Variants in POFUT3 observed in about 807,000 individuals in gnomAD.
POFUT3 encodes the protein GDP-fucose protein O-fucosyltransferase 3.
chr8:33,354,346 A>G, the POFUT3 span, among the ~76,000 whole-genome samples: 3 of 152,194 alleles, frequency 2.0e-5, no homozygotes, highest in African/African-American at 7.2e-5. Flanking sequence ...AATTCCCTGT[A>G]AGTCCAAAGG....
the POFUT3 span, among the ~76,000 whole-genome samples, chr8:33,408,263 G>T: frequency 2.4e-4 from 37 of 151,522 alleles, no homozygotes; most frequent in Non-Finnish European, 3.8e-4. Context: ...ATTCAAGGTT[G>T]CAGTGAGCTA....
chr8:33,398,205 TA>T, the POFUT3 span, among the ~76,000 whole-genome samples: 1 of 152,190 alleles, frequency 6.6e-6, no homozygotes, highest in East Asian at 1.9e-4. Context: ...ACCCAATTAT[TA>T]TTTTTTTGTT....
At chr8:33,438,393 C>CA in the POFUT3 span, among the ~76,000 whole-genome samples, 1 of 152,164 alleles carries the variant, frequency 6.6e-6, no homozygotes, top group Non-Finnish European at 1.5e-5. Context: ...ACCTGGGCAA[C>CA]ATAGGGAGAC....
At chr8:33,403,066 A>G in the POFUT3 span, among the ~76,000 whole-genome samples, 1 of 152,126 alleles carries the variant, frequency 6.6e-6, no homozygotes, top group Non-Finnish European at 1.5e-5. Context: ...GTCTCAAAAA[A>G]AAAAAATTGT....
the POFUT3 span, among the ~76,000 whole-genome samples, chr8:33,319,222 TA>T: frequency 1.2e-4 from 12 of 98,178 alleles, no homozygotes; most frequent in Non-Finnish European, 1.8e-4. Context: ...TAAATATATT[TA>T]TATATTTTAC....
chr8:33,432,725 G>A, the POFUT3 span, among the ~76,000 whole-genome samples: 3 of 152,090 alleles, frequency 2.0e-5, no homozygotes, highest in African/African-American at 7.2e-5. Flanking sequence ...AAACATTATA[G>A]TGCTAGAATA....
chr8:33,389,032 G>A, the POFUT3 span: 3 of 1,614,184 alleles, frequency 1.9e-6, no homozygotes, highest in South Asian at 3.3e-5. Flanking sequence ...CGATGTAATT[G>A]TCCTGGTTGA....
chr8:33,397,028 T>C, the POFUT3 span, among the ~76,000 whole-genome samples: 1 of 152,242 alleles, frequency 6.6e-6, no homozygotes, highest in African/African-American at 2.4e-5. Context: ...AGTTCATAAA[T>C]TACAACTATT....
At chr8:33,416,830 CAAAAAAAAAA>C in the POFUT3 span, among the ~76,000 whole-genome samples, 3,344 of 44,576 alleles carry the variant, frequency 0.075, 134 homozygotes, top group African/African-American at 0.19. Flanking sequence ...TGGGCGACGA[CAAAAAAAAAA>C]AAAAAAAAAA....
the POFUT3 span, among the ~76,000 whole-genome samples, chr8:33,420,128 C>CA: frequency 6.6e-6 from 1 of 151,380 alleles, no homozygotes; most frequent in Non-Finnish European, 1.5e-5. Flanking sequence ...GACCCTGTCT[C>CA]AAAAAATAAA....
At chr8:33,438,291 A>T in the POFUT3 span, among the ~76,000 whole-genome samples, 1 of 152,298 alleles carries the variant, frequency 6.6e-6, no homozygotes, top group South Asian at 2.1e-4. Context: ...CAAGACATAG[A>T]TTCTGGCCAG....
the POFUT3 span, among the ~76,000 whole-genome samples, chr8:33,435,222 ATT>A: frequency 2.8e-5 from 4 of 144,338 alleles, no homozygotes; most frequent in African/African-American, 5.1e-5. Context: ...TTTTAATTTA[ATT>A]TTTTTTTTTT....
chr8:33,341,211 A>G, the POFUT3 span, among the ~76,000 whole-genome samples: 1 of 151,992 alleles, frequency 6.6e-6, no homozygotes, highest in African/African-American at 2.4e-5. Flanking sequence ...CACGGTGGGC[A>G]GATCACTTGA....
the POFUT3 span, among the ~76,000 whole-genome samples, chr8:33,387,607 C>A: frequency 2.6e-5 from 4 of 152,146 alleles, no homozygotes; most frequent in African/African-American, 9.7e-5. Context: ...AGTTCGAGAC[C>A]AGCCTGGCCA....
the POFUT3 span, among the ~76,000 whole-genome samples, chr8:33,448,976 C>T: frequency 6.6e-6 from 1 of 152,078 alleles, no homozygotes; most frequent in African/African-American, 2.4e-5. Flanking sequence ...TTCTGAGCAC[C>T]TACTGTGTAC....
At chr8:33,463,484 G>A in the POFUT3 span, among the ~76,000 whole-genome samples, 2 of 151,096 alleles carry the variant, frequency 1.3e-5, no homozygotes, top group Non-Finnish European at 1.5e-5. Context: ...CAGCCTGGGC[G>A]ACAAAGCCAG....
the POFUT3 span, among the ~76,000 whole-genome samples, chr8:33,337,937 T>C: frequency 0.24 from 35,888 of 152,178 alleles, 4,588 homozygotes; most frequent in South Asian, 0.5. Flanking sequence ...CTCACTTTGT[T>C]CTCACTCGGT....
At chr8:33,380,135 T>TATATATATACACTATATATATAC in the POFUT3 span, among the ~76,000 whole-genome samples, 35 of 59,598 alleles carry the variant, frequency 5.9e-4, 2 homozygotes, top group Non-Finnish European at 8.1e-4. Context: ...TATATATATA[T>TATATATATACACTATATATATAC]ACTATATATA....
the POFUT3 span, among the ~76,000 whole-genome samples, chr8:33,342,317 ACT>A: frequency 6.6e-6 from 1 of 152,126 alleles, no homozygotes; most frequent in African/African-American, 2.4e-5. Flanking sequence ...TGTTTGTACC[ACT>A]GCACTCCAGC....
Sources: allele counts gnomAD v4.1 joint callset (sites outside exome capture counted in the v4.1 genomes callset), GRCh38; gene constraint gnomAD v4.1.1; transcripts MANE v1.5; gene names NCBI Gene and HGNC (gene_info 2026-07-23, HGNC 2026-07-21).